The following FLT1 variants were observed in gnomAD, a reference collection of about 807,000 sequenced individuals.
FLT1 encodes the protein vascular endothelial growth factor receptor 1.
In FLT1, 49 loss-of-function variants were observed where a neutral mutation model predicts 156.3. The observed-to-expected ratio is 0.31, with a 90% CI of 0.25 to 0.40. The LOEUF is 0.40. FLT1 is among the 10% of genes least tolerant of loss of function. The pLI, the probability that FLT1 is intolerant of heterozygous loss-of-function variation, is 1.00. For missense variants in FLT1, 1,322 were observed against 1,637.2 expected (o/e 0.81, Z 3.32); for synonymous variants, 594 against 583.8 (o/e 1.02, Z -0.25).
At chr13:28,467,478 G>A (rs1427447306) in intron 2 of FLT1, 43 bp downstream of exon 2, 1 of 1,294,528 alleles carries the variant, frequency 7.7e-7, no homozygotes, top group Non-Finnish European at 1.1e-6. Context: ...TTTTGCCTTA[G>A]GCATGGCAAC....
At chr13:28,327,322 A>T (rs1871725775) in intron 20 of FLT1, 140 bp downstream of exon 20, 1 of 663,948 alleles carries the variant, frequency 1.5e-6, no homozygotes, top group Non-Finnish European at 2.7e-6. Flanking sequence ...AAAAAACATG[A>T]AAAAAGGAGA....
intron 14 of FLT1, among the ~76,000 whole-genome samples, chr13:28,364,797 T>G (rs9508019): frequency 0.55 from 83,350 of 151,976 alleles, 24,209 homozygotes; most frequent in Middle Eastern, 0.65. Context: ...CTTTATTTAT[T>G]CACAGTGACC....
At position 28,495,017 on chromosome 13, in the gene FLT1, C is replaced by A. The variant is rs998415946; in HGVS notation, c.-174G>T. The A allele has an allele frequency of 7.9e-6, 4 of 506,658 alleles. No homozygotes were observed. Among genetic ancestry groups the A allele is most frequent in the Non-Finnish European group, 1.0e-5 (3 of 297,970 alleles). 31.4% of individuals were successfully genotyped at this position (506,658 alleles called of 1,614,324 possible). On this transcript the variant is annotated 5_prime_UTR_variant, in exon 1 of 30. Transcript: ENST00000282397. The surrounding 1 kb of genome is among the most constrained non-coding windows in gnomAD (Gnocchi z 4.1). The stretch of plus-strand genomic sequence containing the variant: ...CGGGTAATCCTCGCCGCCAGGCGCC[C>A]GCTGGCCGCTGCACCCGAGCCCCGG...
intron 13 of FLT1, chr13:28,387,024 A>G (rs1045706073): frequency 9.6e-7 from 1 of 1,038,294 alleles, no homozygotes; most frequent in African/African-American, 1.7e-5. Flanking sequence ...AGCATCATCA[A>G]CACAGACACG....
At chr13:28,334,154 T>C in intron 17 of FLT1, 25 bp from the exon 18 acceptor site, 1 of 1,512,232 alleles carries the variant, frequency 6.6e-7, no homozygotes, top group Non-Finnish European at 9.2e-7. Context: ...AGACACTGGT[T>C]TGTTTGCCGA....
intron 10 of FLT1, among the ~76,000 whole-genome samples, chr13:28,406,319 C>T (rs1167609195): frequency 6.6e-6 from 1 of 152,126 alleles, no homozygotes; most frequent in East Asian, 1.9e-4. Context: ...AGTTGGATGG[C>T]TAAGTTTTTC....
chr13:28,393,479 A>G (rs753778966), intron 12 of FLT1, among the ~76,000 whole-genome samples: 1 of 152,212 alleles, frequency 6.6e-6, no homozygotes, highest in Non-Finnish European at 1.5e-5. Context: ...TGCTATGTAC[A>G]AGTGTGTGCC....
chr13:28,368,179 GT>G (rs1873371804), intron 14 of FLT1: 1 of 451,548 alleles, frequency 2.2e-6, no homozygotes, highest in South Asian at 8.8e-5. Context: ...TTGAGACGGA[GT>G]TTCGCTCTTG....
intron 14 of FLT1, among the ~76,000 whole-genome samples, chr13:28,364,927 T>C (rs1873235575): frequency 6.6e-6 from 1 of 152,212 alleles, no homozygotes; most frequent in Admixed American, 6.5e-5. Context: ...TGGCCCTTTA[T>C]ACTTCAATAC....
In FLT1 at chr13:28,379,989, A is replaced by G. The variant is rs148536439; in HGVS notation, c.2116+4896T>C. On this transcript the variant is annotated intron_variant, in intron 14 of 29. Coordinates refer to ENST00000282397, the MANE Select transcript of FLT1 (RefSeq NM_002019.4). Reference sequence around the variant, plus strand: ...GCAAGTCATCATTTAAAAAATAACAATGATAATGGACTGGATCCTATCAAT... The same window carrying G: ...GCAAGTCATCATTTAAAAAATAACAGTGATAATGGACTGGATCCTATCAAT... Among the ~76,000 whole-genome samples the G allele has an allele frequency of 2.7e-4, 41 of 152,282 alleles. 1 individual carries two copies. In the East Asian group the frequency reaches 7.3e-3, roughly 27 times the overall value.
At chr13:28,408,441 T>A (rs1247097124) in intron 10 of FLT1, among the ~76,000 whole-genome samples, 1 of 152,180 alleles carries the variant, frequency 6.6e-6, no homozygotes, top group Non-Finnish European at 1.5e-5. Flanking sequence ...GGGCTGTTAT[T>A]TTTCCCTCTT....
intron 14 of FLT1, among the ~76,000 whole-genome samples, chr13:28,364,935 T>C (rs139096401): frequency 1.3e-5 from 2 of 152,314 alleles, no homozygotes; most frequent in African/African-American, 4.8e-5. Flanking sequence ...TATACTTCAA[T>C]ACTTTATACT....
intron 13 of FLT1, chr13:28,385,556 A>C (rs1253115177): frequency 8.9e-6 from 9 of 1,013,298 alleles, no homozygotes; most frequent in Non-Finnish European, 1.1e-5. Context: ...AATTTCTTGA[A>C]CTTTGAAAGC....
At chr13:28,485,246 CA>C (rs988578367) in intron 1 of FLT1, among the ~76,000 whole-genome samples, 1 of 152,004 alleles carries the variant, frequency 6.6e-6, no homozygotes, top group African/African-American at 2.4e-5. Flanking sequence ...TCGGCACCTC[CA>C]GAAAAAGGTG....
intron 10 of FLT1, among the ~76,000 whole-genome samples, chr13:28,407,159 G>A (rs1332231061): frequency 6.6e-6 from 1 of 152,190 alleles, no homozygotes; most frequent in Admixed American, 6.5e-5. Context: ...CAGGGCCCGA[G>A]CATGCCGTCG....
intron 24 of FLT1, among the ~76,000 whole-genome samples, chr13:28,319,127 CA>C (rs986903159): frequency 3.9e-5 from 6 of 152,078 alleles, no homozygotes; most frequent in African/African-American, 1.2e-4. Flanking sequence ...CAGAATTGGG[CA>C]AAGTACAGAA....
chr13:28,386,350 G>T (rs1874359767), intron 13 of FLT1: 6 of 1,001,340 alleles, frequency 6.0e-6, no homozygotes, highest in African/African-American at 3.4e-5. Flanking sequence ...CATTGTTGAA[G>T]TAGTATATCA....
At chr13:28,473,769 G>A (rs1432446378) in intron 1 of FLT1, among the ~76,000 whole-genome samples, 32 of 95,700 alleles carry the variant, frequency 3.3e-4, no homozygotes, top group African/African-American at 1.2e-3. Flanking sequence ...AAGGAAGGAA[G>A]GAAGGAAGGA....
intron 5 of FLT1, 41 bp from the exon 6 acceptor site, chr13:28,433,996 A>G: frequency 6.2e-7 from 1 of 1,613,942 alleles, no homozygotes; most frequent in Non-Finnish European, 8.5e-7. Flanking sequence ...TTAAGATTTC[A>G]TTACACAGAT....
Sources: allele counts gnomAD v4.1 joint callset (sites outside exome capture counted in the v4.1 genomes callset), GRCh38; gene constraint gnomAD v4.1.1; non-coding constraint Gnocchi (gnomAD v3.1); transcripts MANE v1.5; gene names NCBI Gene and HGNC (gene_info 2026-07-23, HGNC 2026-07-21).